The following SPATA16 variants were observed in gnomAD, a reference collection of about 807,000 sequenced individuals.
SPATA16 encodes spermatogenesis associated 16, also known as spermatogenesis-associated protein 16.
In SPATA16, 36 loss-of-function variants were observed where a neutral mutation model predicts 63.3. The ratio of observed to expected loss-of-function variants is 0.57; its 90% CI spans 0.44 to 0.75. SPATA16 has a LOEUF of 0.75. Ranked by LOEUF, SPATA16 falls within the 30% of genes least tolerant of loss-of-function variation. The pLI, the probability that SPATA16 is intolerant of heterozygous loss-of-function variation, is 0.00. For synonymous variants in SPATA16, 203 were observed against 216.7 expected (o/e 0.94, Z 0.56); for missense variants, 646 against 679.3 (o/e 0.95, Z 0.54).
intron 10 of SPATA16, among the ~76,000 whole-genome samples, chr3:172,895,003 A>C (rs1731979077): frequency 6.6e-6 from 1 of 152,256 alleles, no homozygotes; most frequent in African/African-American, 2.4e-5. Flanking sequence ...TAGTTAAAAA[A>C]AAATTAATTT....
chr3:172,917,651 G>A (rs1333734769), intron 8 of SPATA16, among the ~76,000 whole-genome samples: 1 of 152,198 alleles, frequency 6.6e-6, no homozygotes, highest in African/African-American at 2.4e-5. Context: ...ACAGAAGTTT[G>A]AGACAAACCA....
intron 4 of SPATA16, among the ~76,000 whole-genome samples, chr3:172,992,567 G>C (rs1020253868): frequency 6.6e-6 from 1 of 152,056 alleles, no homozygotes; most frequent in African/African-American, 2.4e-5. Context: ...AGGGGAAAGG[G>C]TTAAATACAA....
chr3:172,969,055 G>A (rs571355130), intron 5 of SPATA16, among the ~76,000 whole-genome samples: 112 of 152,174 alleles, frequency 7.4e-4, no homozygotes, highest in Admixed American at 1.4e-3. Context: ...TTTTAATATT[G>A]TCTAGCTCAA....
chr3:172,954,250 G>C (rs34737795), intron 6 of SPATA16, among the ~76,000 whole-genome samples: 18,498 of 152,120 alleles, frequency 0.12, 1,343 homozygotes, highest in African/African-American at 0.19. Flanking sequence ...AGAAAATCAC[G>C]CCTTACATGG....
At chr3:172,998,725 T>G (rs979525842) in intron 4 of SPATA16, among the ~76,000 whole-genome samples, 3 of 152,180 alleles carry the variant, frequency 2.0e-5, no homozygotes, top group Non-Finnish European at 4.4e-5. Flanking sequence ...TCCTTCTTAT[T>G]CCTAGTTTGC....
rs1735274484 is a variant in SPATA16 at position 173,019,670 on chromosome 3, T to C, written c.759-95A>G. On this transcript the variant is annotated intron_variant, in intron 3 of 10. Transcript: ENST00000351008. ...ATGAAATCACAGGCATTCAATTTTA[T>C]ATACTATGTGTTTTTAAAGATACTA... 1.0e-5 allele frequency: 12 copies of C among 1,147,050 alleles called. No homozygotes were observed. In the Admixed American group the frequency reaches 1.2e-4, roughly 12 times the overall value. 71.1% of individuals were successfully genotyped at this position (1,147,050 alleles called of 1,614,324 possible).
intron 10 of SPATA16, among the ~76,000 whole-genome samples, chr3:172,895,354 A>G (rs537583688): frequency 6.6e-6 from 1 of 152,074 alleles, no homozygotes; most frequent in East Asian, 1.9e-4. Context: ...TTGTTTTTTG[A>G]GACAAGAGTC....
chr3:173,060,997 T>C (rs1417348027), intron 2 of SPATA16, among the ~76,000 whole-genome samples: 1 of 152,330 alleles, frequency 6.6e-6, no homozygotes, highest in East Asian at 1.9e-4. Context: ...TGGTGGTTTT[T>C]CTAGGTTCTC....
chr3:172,905,863 C>T (rs548400899), intron 10 of SPATA16, among the ~76,000 whole-genome samples: 4 of 152,294 alleles, frequency 2.6e-5, no homozygotes, highest in Admixed American at 2.0e-4. Context: ...CAGGAAAACT[C>T]ACAGGTCCGA....
intron 2 of SPATA16, among the ~76,000 whole-genome samples, chr3:173,077,153 G>A (rs1441571306): frequency 6.6e-6 from 1 of 151,966 alleles, no homozygotes; most frequent in African/African-American, 2.4e-5. Flanking sequence ...AATAGCTAAG[G>A]AAGAAACAAA....
chr3:172,940,318 T>C (rs1036826583), intron 6 of SPATA16, among the ~76,000 whole-genome samples: 3 of 152,198 alleles, frequency 2.0e-5, no homozygotes, highest in Non-Finnish European at 2.9e-5. Context: ...AGCCTTCAAC[T>C]TGTGGAACCT....
intron 8 of SPATA16, among the ~76,000 whole-genome samples, chr3:172,921,560 G>A (rs201893454): frequency 1.1e-4 from 16 of 149,340 alleles, no homozygotes; most frequent in African/African-American, 1.5e-4. Flanking sequence ...GTAAGCTAAG[G>A]AAAAAAAAAA....
intron 6 of SPATA16, among the ~76,000 whole-genome samples, chr3:172,947,829 G>A (rs13316289): frequency 0.087 from 13,237 of 152,064 alleles, 1,914 homozygotes; most frequent in African/African-American, 0.3. Context: ...CCTAATATAT[G>A]TGGGGTTTAA....
At chr3:173,026,882 C>T (rs934707560) in intron 3 of SPATA16, among the ~76,000 whole-genome samples, 15 of 151,398 alleles carry the variant, frequency 9.9e-5, no homozygotes, top group African/African-American at 3.4e-4. Flanking sequence ...TCTTTTTTTT[C>T]CCCTCTAACA....
intron 2 of SPATA16, among the ~76,000 whole-genome samples, chr3:173,061,458 T>C (rs536361233): frequency 3.9e-4 from 59 of 152,220 alleles, no homozygotes; most frequent in Non-Finnish European, 7.8e-4. Flanking sequence ...GTTATTGTAC[T>C]TTTTAAAAAT....
chr3:173,065,150 C>G (rs756119283), intron 2 of SPATA16, among the ~76,000 whole-genome samples: 1 of 152,166 alleles, frequency 6.6e-6, no homozygotes. Flanking sequence ...TGTAGGGCTA[C>G]TAAAACCATT....
intron 2 of SPATA16, among the ~76,000 whole-genome samples, chr3:173,062,844 A>C (rs1736416375): frequency 6.6e-6 from 1 of 152,160 alleles, no homozygotes; most frequent in South Asian, 2.1e-4. Context: ...CATTAGTTAG[A>C]TTCTCATAAA....
chr3:173,040,061 T>C (rs996551187), intron 3 of SPATA16, among the ~76,000 whole-genome samples: 2 of 152,046 alleles, frequency 1.3e-5, no homozygotes, highest in Non-Finnish European at 2.9e-5. Context: ...TCCTCTCTTA[T>C]TGTACATAGT....
At chr3:172,964,530 T>C (rs1165808510) in intron 5 of SPATA16, among the ~76,000 whole-genome samples, 1 of 152,206 alleles carries the variant, frequency 6.6e-6, no homozygotes, top group African/African-American at 2.4e-5. Flanking sequence ...CTGCAATTAG[T>C]TCATAAGGAC....
Sources: gnomAD v4.1 joint callset for allele counts (sites outside exome capture counted in the v4.1 genomes callset) on GRCh38, gnomAD v4.1.1 for gene constraint, MANE v1.5 for transcripts, NCBI Gene and HGNC (gene_info 2026-07-23, HGNC 2026-07-21) for gene names.